The following TMEM51 variants were observed in gnomAD, a reference collection of about 807,000 sequenced individuals.
TMEM51 encodes transmembrane protein 51.
Under a neutral mutation model 13.6 loss-of-function variants are expected in TMEM51, and 8 were observed. The observed-to-expected ratio is 0.59, with a 90% CI of 0.35 to 1.07. The LOEUF (loss-of-function observed/expected upper bound fraction) is 1.07, where lower values mean the gene tolerates loss of function less well. Ranked by LOEUF, TMEM51 falls within the 50% of genes least tolerant of loss-of-function variation. The probability of loss-of-function intolerance (pLI) is 0.02; values close to 1 mark genes in which losing one functional copy is unlikely to be tolerated. For synonymous variants in TMEM51, 147 were observed against 144.4 expected, an observed-to-expected ratio of 1.02 and a Z score of -0.13; for missense variants, 279 against 330.7, an observed-to-expected ratio of 0.84 and a Z score of 1.21.
chr1:15,205,527 G>C (rs1369420216), intron 1 of TMEM51, among the ~76,000 whole-genome samples: 1 of 152,112 alleles, frequency 6.6e-6, no homozygotes, highest in Non-Finnish European at 1.5e-5. Context: ...TCCTCAAATT[G>C]AATCCGTCAT....
intron 1 of TMEM51, among the ~76,000 whole-genome samples, chr1:15,179,704 G>A (rs1025207638): frequency 1.3e-5 from 2 of 152,150 alleles, no homozygotes; most frequent in African/African-American, 2.4e-5. Context: ...GATGGCTTGA[G>A]CCCAGGAGTT....
intron 1 of TMEM51, chr1:15,192,293 T>G (rs1643939353): frequency 2.6e-6 from 1 of 379,318 alleles, no homozygotes; most frequent in African/African-American, 2.1e-5. Flanking sequence ...TTGAATAAGG[T>G]CAGGATCTAC....
At chr1:15,163,079 C>T (rs1642844039) in intron 1 of TMEM51, among the ~76,000 whole-genome samples, 1 of 151,942 alleles carries the variant, frequency 6.6e-6, no homozygotes, top group South Asian at 2.1e-4. Flanking sequence ...AAACAAGACT[C>T]AGATAGTCAT....
intron 1 of TMEM51, among the ~76,000 whole-genome samples, chr1:15,189,895 G>A (rs564417523): frequency 1.3e-5 from 2 of 152,346 alleles, no homozygotes; most frequent in African/African-American, 4.8e-5. Flanking sequence ...CTAACCCAAG[G>A]TGGCAGAGAG....
Position 15,175,824 on chromosome 1 carries a change from G to A in TMEM51, c.-267+21870G>A, listed in dbSNP as rs1420601789. On this transcript the variant is annotated intron_variant, in intron 1 of 3. Coordinates refer to ENST00000376008, the MANE Select transcript of TMEM51 (RefSeq NM_001136218.2). Reference sequence around the variant, plus strand: ...GATTCAGTTATCTTCACCTGGCCCCGCCCTTGACACATGGGATTCATTACA... The same window carrying A: ...GATTCAGTTATCTTCACCTGGCCCCACCCTTGACACATGGGATTCATTACA... Among the ~76,000 whole-genome samples the A allele has an allele frequency of 1.1e-4, 16 of 152,236 alleles. No homozygotes were observed. In the South Asian group the frequency reaches 2.5e-3, roughly 24 times the overall value.
chr1:15,202,636 T>C (rs995752374), intron 1 of TMEM51, among the ~76,000 whole-genome samples: 14 of 152,258 alleles, frequency 9.2e-5, no homozygotes, highest in African/African-American at 3.4e-4. Flanking sequence ...CTTCCTCCTT[T>C]GACCTTTCTG....
chr1:15,176,291 G>GT (rs1643454358), intron 1 of TMEM51, among the ~76,000 whole-genome samples: 1 of 152,214 alleles, frequency 6.6e-6, no homozygotes, highest in Admixed American at 6.5e-5. Context: ...AGAGGCGGCA[G>GT]TGAGAACACA....
intron 1 of TMEM51, among the ~76,000 whole-genome samples, chr1:15,209,797 C>T (rs540718041): frequency 1.5e-4 from 23 of 152,228 alleles, no homozygotes; most frequent in African/African-American, 5.1e-4. Flanking sequence ...TTTGGGAGGC[C>T]AAGGCAAGAG....
chr1:15,185,026 C>A (rs1221723894), intron 1 of TMEM51, among the ~76,000 whole-genome samples: 2 of 152,078 alleles, frequency 1.3e-5, no homozygotes, highest in Non-Finnish European at 2.9e-5. Context: ...GCAGAAATGT[C>A]CTGCCTGCCC....
At chr1:15,188,300 C>T (rs949280538) in intron 1 of TMEM51, among the ~76,000 whole-genome samples, 5 of 152,202 alleles carry the variant, frequency 3.3e-5, no homozygotes, top group Non-Finnish European at 7.3e-5. Flanking sequence ...TCAGTGTTTC[C>T]CCCAAAGCAA....
intron 1 of TMEM51, among the ~76,000 whole-genome samples, chr1:15,172,323 G>A (rs539988969): frequency 1.4e-4 from 20 of 148,028 alleles, no homozygotes; most frequent in African/African-American, 4.5e-4. Context: ...GGTCAAGGCT[G>A]CAGTGAGCCA....
chr1:15,168,937 T>C (rs1188555942), intron 1 of TMEM51, among the ~76,000 whole-genome samples: 2 of 152,170 alleles, frequency 1.3e-5, no homozygotes, highest in African/African-American at 4.8e-5. Context: ...CTTAAGTCAT[T>C]TGATGCTCAA....
intron 1 of TMEM51, among the ~76,000 whole-genome samples, chr1:15,164,790 C>CT (rs55802835): frequency 0.36 from 45,117 of 126,020 alleles, 9,109 homozygotes; most frequent in East Asian, 0.59. Flanking sequence ...GGGAGCTTTG[C>CT]TTTTTTTTTT....
At chr1:15,193,036 C>T (rs570125133) in intron 1 of TMEM51, among the ~76,000 whole-genome samples, 1 of 152,184 alleles carries the variant, frequency 6.6e-6, no homozygotes, top group Non-Finnish European at 1.5e-5. Flanking sequence ...CGCCAGTTCC[C>T]GGGGGCATTG....
In TMEM51 at chr1:15,161,541, C is replaced by T. The variant is rs1237212153; in HGVS notation, c.-267+7587C>T. Among the ~76,000 whole-genome samples the T allele has an allele frequency of 1.3e-5, 2 of 151,896 alleles. No homozygotes were observed. The highest frequency in any genetic ancestry group is 1.9e-4 in the East Asian group (1 of 5,178). The stretch of plus-strand genomic sequence containing the variant: ...GTCATTTTTCTCAAAAAATTAAAAT[C>T]GAATAACCATAGGATCCAGCAGTTT... On this transcript the variant is annotated intron_variant, in intron 1 of 3. Transcript: ENST00000376008. The surrounding 1 kb of genome is among the most constrained non-coding windows in gnomAD (Gnocchi z 4.0).
intron 1 of TMEM51, among the ~76,000 whole-genome samples, chr1:15,199,440 A>G (rs1411113117): frequency 6.6e-6 from 1 of 152,098 alleles, no homozygotes; most frequent in Non-Finnish European, 1.5e-5. Context: ...CGGTCAGTTC[A>G]CAGAGATTTT....
chr1:15,177,317 T>C (rs769528018), intron 1 of TMEM51, among the ~76,000 whole-genome samples: 1 of 151,922 alleles, frequency 6.6e-6, no homozygotes, highest in African/African-American at 2.4e-5. Flanking sequence ...AGAGAGTGTG[T>C]GTATGTTAGA....
At chr1:15,175,872 G>C (rs1028387880) in intron 1 of TMEM51, among the ~76,000 whole-genome samples, 2 of 152,144 alleles carry the variant, frequency 1.3e-5, no homozygotes, top group African/African-American at 4.8e-5. Flanking sequence ...ATTTGGGTGG[G>C]CGCACAGCCA....
Position 15,164,834 on chromosome 1 carries a change from C to T in TMEM51, c.-267+10880C>T, listed in dbSNP as rs1218647197. On this transcript the variant is annotated intron_variant, in intron 1 of 3. Coordinates refer to ENST00000376008, the MANE Select transcript of TMEM51 (RefSeq NM_001136218.2). The stretch of plus-strand genomic sequence containing the variant: ...TTTTTTTTTTTTTGAGACGGAGTCT[C>T]GCTCTGTCGCCAGGCCAGAGTGCAG... Among the ~76,000 whole-genome samples the T allele has an allele frequency of 1.5e-4, 21 of 137,668 alleles. No homozygotes were observed. The East Asian group carries it at 1.9e-3, about 13-fold the overall frequency. 90.3% of individuals were successfully genotyped at this position (137,668 alleles called of 152,430 possible). A position where few individuals can be genotyped will look rare whatever the true frequency, so the allele number is the denominator to read the frequency against.
Sources: allele counts gnomAD v4.1 joint callset (sites outside exome capture counted in the v4.1 genomes callset), GRCh38; gene constraint gnomAD v4.1.1; non-coding constraint Gnocchi (gnomAD v3.1); transcripts MANE v1.5; gene names NCBI Gene and HGNC (gene_info 2026-07-23, HGNC 2026-07-21).